Variants in KLF7 observed in about 807,000 individuals in gnomAD.
KLF7 encodes the protein Krueppel-like factor 7.
A neutral mutation model predicts 27.3 loss-of-function variants in KLF7; 2 were observed. The observed-to-expected ratio is 0.07, with a 90% CI of 0.03 to 0.23. The LOEUF is 0.23. Among genes scored for constraint, KLF7 ranks in the 10% least tolerant of loss-of-function variants. The pLI is 1.00. For synonymous variants in KLF7, 165 were observed against 162.4 expected (o/e 1.02, Z -0.12); for missense variants, 221 against 394.1 (o/e 0.56, Z 3.72).
At chr2:207,160,291 T>C (rs1046301712) in intron 1 of KLF7, among the ~76,000 whole-genome samples, 2 of 152,186 alleles carry the variant, frequency 1.3e-5, no homozygotes, top group Admixed American at 1.3e-4. Context: ...AAGGGACTAC[T>C]GGACAGAGGA....
chr2:207,088,450 C>A lies in KLF7; in HGVS notation c.857+8G>T, dbSNP rs1311480939. The A allele has an allele frequency of 6.2e-7, 1 of 1,613,390 alleles. No individual in the cohort carries two copies. The highest frequency in any genetic ancestry group is 8.5e-7 in the Non-Finnish European group (1 of 1,179,444). On this transcript the variant is annotated splice_region_variant and intron_variant, in intron 3 of 3. Transcript: ENST00000309446. ...CTCCCTAGCCCATCAACTTCTACTT[C>A]TCTTTACCTGTCGCAGTGGTTGCAT... is the stretch of plus-strand genomic sequence containing the variant.
At chr2:207,099,157 T>G (rs991951461) in intron 2 of KLF7, among the ~76,000 whole-genome samples, 2 of 152,162 alleles carry the variant, frequency 1.3e-5, no homozygotes, top group Non-Finnish European at 2.9e-5. Context: ...CTAGTGAGTA[T>G]AGCCAAGGAA....
intron 2 of KLF7, among the ~76,000 whole-genome samples, chr2:207,091,792 T>C (rs750191380): frequency 2.6e-5 from 4 of 152,052 alleles, no homozygotes; most frequent in Non-Finnish European, 4.4e-5. Context: ...TCAGGGAAAT[T>C]CTTCTGTCAG....
intron 2 of KLF7, among the ~76,000 whole-genome samples, chr2:207,100,697 C>T (rs1420681226): frequency 6.6e-6 from 1 of 152,198 alleles, no homozygotes; most frequent in African/African-American, 2.4e-5. Context: ...ATTTCTCCTC[C>T]TCAGAAAACT....
intron 2 of KLF7, among the ~76,000 whole-genome samples, chr2:207,089,846 C>T (rs537026194): frequency 1.3e-5 from 2 of 152,204 alleles, no homozygotes; most frequent in South Asian, 4.2e-4. Context: ...ACATTAAAAA[C>T]CGCCAAACTC....
chr2:207,085,510 G>A (rs913767018), intron 3 of KLF7, among the ~76,000 whole-genome samples: 1 of 151,342 alleles, frequency 6.6e-6, no homozygotes, highest in African/African-American at 2.5e-5. Context: ...GGTCACTCAG[G>A]GGGGCTGCAC....
chr2:207,165,633 TGTCA>T lies in KLF7; in HGVS notation c.-69_-66del, dbSNP rs1484311236. On this transcript the variant is annotated 5_prime_UTR_variant, in exon 1 of 4. Coordinates refer to ENST00000309446, the MANE Select transcript of KLF7 (RefSeq NM_003709.4). Reference sequence around the variant, plus strand: ...CCGAACACAGTTGGGGCTGTTTGTTTGTCAGTCTGTCTGGCTCACCCCCCAAGAA... The same window carrying T: ...CCGAACACAGTTGGGGCTGTTTGTTTGTCTGTCTGGCTCACCCCCCAAGAA... 1 of 1,608,088 alleles carries T rather than the reference TGTCA, an allele frequency of 6.2e-7. No homozygotes were observed. The highest frequency in any genetic ancestry group is 1.1e-5 in the South Asian group (1 of 90,758).
rs770650535 is a variant in KLF7, at chr2:207,124,372, C to T, written c.135G>A (p.Thr45=). 38 of 1,581,450 alleles carry T rather than the reference C, an allele frequency of 2.4e-5. No homozygotes were observed. Among genetic ancestry groups the T allele is most frequent in the Non-Finnish European group, 2.8e-5 (33 of 1,159,346 alleles). ...TCLELERYLQ[T]EPRRISETFG... is the part of the protein sequence containing the mutation. Reference sequence around the variant, plus strand: ...AGGTCTCTGAGATCCTCCGGGGCTCCGTCTGTAGGTAGCGTTCCAATTCAA... The same window carrying T: ...AGGTCTCTGAGATCCTCCGGGGCTCTGTCTGTAGGTAGCGTTCCAATTCAA... Residue 45 remains threonine, a synonymous_variant, in exon 2 of 4, where the codon ACG becomes ACA. Transcript: ENST00000309446.
chr2:207,109,654 C>T (rs1280609024), intron 2 of KLF7, among the ~76,000 whole-genome samples: 2 of 152,158 alleles, frequency 1.3e-5, no homozygotes, highest in African/African-American at 2.4e-5. Flanking sequence ...GCAGCCATTC[C>T]CAGGCTTGGT....
At chr2:207,135,323 A>G (rs1057315706) in intron 1 of KLF7, among the ~76,000 whole-genome samples, 1 of 152,224 alleles carries the variant, frequency 6.6e-6, no homozygotes, top group African/African-American at 2.4e-5. Context: ...GGTTAAAAAA[A>G]AAAAGGGTTT....
upstream of KLF7, among the ~76,000 whole-genome samples, chr2:207,170,208 T>C (rs1234349136): frequency 1.3e-5 from 2 of 152,216 alleles, no homozygotes; most frequent in Admixed American, 6.5e-5. Context: ...GAGAACGTTT[T>C]AGTGGTGTGG....
chr2:207,105,966 A>G (rs991865361), intron 2 of KLF7, among the ~76,000 whole-genome samples: 4 of 152,252 alleles, frequency 2.6e-5, no homozygotes, highest in African/African-American at 9.6e-5. Context: ...AAGGAAATGT[A>G]AAACAGCTCA....
At chr2:207,082,121 T>C (rs528883649) in intron 3 of KLF7, among the ~76,000 whole-genome samples, 1 of 152,306 alleles carries the variant, frequency 6.6e-6, no homozygotes, top group African/African-American at 2.4e-5. Flanking sequence ...TCTTCTTTCC[T>C]CTTTCCTCTA....
intron 1 of KLF7, among the ~76,000 whole-genome samples, chr2:207,145,532 C>A (rs750713496): frequency 3.9e-5 from 6 of 152,218 alleles, no homozygotes; most frequent in Non-Finnish European, 7.3e-5. Flanking sequence ...TTCTCAATGT[C>A]TGTTCCATTT....
At chr2:207,086,867 T>A (rs941794131) in intron 3 of KLF7, among the ~76,000 whole-genome samples, 1 of 152,224 alleles carries the variant, frequency 6.6e-6, no homozygotes, top group Non-Finnish European at 1.5e-5. Context: ...CACGCTACCA[T>A]CACACTCTGA....
intron 1 of KLF7, among the ~76,000 whole-genome samples, chr2:207,136,195 A>AC (rs1429406157): frequency 2.0e-5 from 3 of 152,072 alleles, no homozygotes; most frequent in Admixed American, 1.3e-4. Flanking sequence ...AAATGGATGA[A>AC]CCACACTCTC....
At position 207,082,086 on chromosome 2, in the gene KLF7, C is replaced by T. The variant is rs539909211; in HGVS notation, c.858-822G>A. Among the ~76,000 whole-genome samples, 5 of 152,260 alleles carry T rather than the reference C, an allele frequency of 3.3e-5. No individual in the cohort carries two copies. The South Asian group carries it at 8.3e-4, about 25-fold the overall frequency. ...AAGGCCCATAACTGAGTGCCTTCTT[C>T]ATGTCAGAGTGGATCCAGTGGTCAT... is the stretch of plus-strand genomic sequence containing the variant. On this transcript the variant is annotated intron_variant, in intron 3 of 3. Transcript: ENST00000309446.
chr2:207,099,617 A>G (rs2076717044), intron 2 of KLF7, among the ~76,000 whole-genome samples: 1 of 135,476 alleles, frequency 7.4e-6, no homozygotes, highest in Non-Finnish European at 1.6e-5. Flanking sequence ...ACCATAAGAA[A>G]GGATAATCCA....
upstream of KLF7, among the ~76,000 whole-genome samples, chr2:207,170,784 A>T (rs2078779419): frequency 6.6e-6 from 1 of 152,028 alleles, no homozygotes; most frequent in Non-Finnish European, 1.5e-5. Context: ...AGGAAAAAAG[A>T]TTCCTTTCAA....
Sources: allele counts gnomAD v4.1 joint callset (sites outside exome capture counted in the v4.1 genomes callset), GRCh38; gene constraint gnomAD v4.1.1; transcripts MANE v1.5; gene names NCBI Gene and HGNC (gene_info 2026-07-23, HGNC 2026-07-21).